The following PDSS2 variants were observed in gnomAD, a reference collection of about 807,000 sequenced individuals.
The protein encoded by PDSS2 is decaprenyl diphosphate synthase subunit 2.
Under a neutral mutation model 44.5 loss-of-function variants are expected in PDSS2, and 31 were observed. The ratio of observed to expected loss-of-function variants is 0.70; its 90% CI spans 0.52 to 0.94. The LOEUF is 0.94. Ranked by LOEUF, PDSS2 falls within the 40% of genes least tolerant of loss-of-function variation. The probability of loss-of-function intolerance (pLI) is 0.00; values close to 1 mark genes in which losing one functional copy is unlikely to be tolerated. For synonymous variants in PDSS2, 157 were observed against 180.3 expected, an observed-to-expected ratio of 0.87 and a Z score of 1.03; for missense variants, 452 against 482.2, an observed-to-expected ratio of 0.94 and a Z score of 0.59.
intron 2 of PDSS2, among the ~76,000 whole-genome samples, chr6:107,323,122 A>G (rs2115181412): frequency 6.6e-6 from 1 of 152,354 alleles, no homozygotes; most frequent in Middle Eastern, 3.4e-3. Flanking sequence ...CTTTAGTTAA[A>G]CAAAGGGTTT....
At chr6:107,168,575 T>C (rs1217771980) in intron 7 of PDSS2, among the ~76,000 whole-genome samples, 3 of 151,768 alleles carry the variant, frequency 2.0e-5, no homozygotes, top group Non-Finnish European at 4.4e-5. Flanking sequence ...CTAGCCTCGA[T>C]GGTCTTTACA....
chr6:107,418,502 T>C (rs928867792), intron 1 of PDSS2, among the ~76,000 whole-genome samples: 3 of 152,200 alleles, frequency 2.0e-5, no homozygotes, highest in Non-Finnish European at 4.4e-5. Flanking sequence ...TTGGGTGTGG[T>C]GGCTCACGCC....
chr6:107,226,216 G>A (rs1773814911), intron 4 of PDSS2, among the ~76,000 whole-genome samples: 1 of 152,194 alleles, frequency 6.6e-6, no homozygotes, highest in Non-Finnish European at 1.5e-5. Context: ...GGCTGAGGCA[G>A]GAGAATAGCG....
chr6:107,364,147 G>A (rs1460697606), intron 1 of PDSS2, among the ~76,000 whole-genome samples: 2 of 152,356 alleles, frequency 1.3e-5, no homozygotes, highest in African/African-American at 4.8e-5. Flanking sequence ...GACTCTCCAC[G>A]TCCCCACCAG....
intron 2 of PDSS2, among the ~76,000 whole-genome samples, chr6:107,282,123 CT>C (rs1440429031): frequency 6.6e-6 from 1 of 152,098 alleles, no homozygotes; most frequent in Non-Finnish European, 1.5e-5. Flanking sequence ...CCAGGCTGGT[CT>C]CGAACCGCTG....
intron 4 of PDSS2, among the ~76,000 whole-genome samples, chr6:107,236,998 G>A (rs1445901352): frequency 6.6e-6 from 1 of 151,656 alleles, no homozygotes; most frequent in Non-Finnish European, 1.5e-5. Context: ...AAGTATAGTG[G>A]CATATACTCA....
At chr6:107,193,087 T>A (rs181792232) in intron 7 of PDSS2, among the ~76,000 whole-genome samples, 92 of 152,356 alleles carry the variant, frequency 6.0e-4, no homozygotes, top group Non-Finnish European at 9.4e-4. Context: ...TGCTAAATGT[T>A]CCATTTGTCC....
chr6:107,250,082 C>A (rs1471326976), intron 3 of PDSS2, among the ~76,000 whole-genome samples: 1 of 151,830 alleles, frequency 6.6e-6, no homozygotes, highest in Non-Finnish European at 1.5e-5. Context: ...AATACCCTCA[C>A]AAAGGATATT....
At chr6:107,245,418 CAAAAAAAAAAAA>C (rs35614951) in intron 4 of PDSS2, 118 bp downstream of exon 4, 30 of 120,352 alleles carry the variant, frequency 2.5e-4, no homozygotes, top group African/African-American at 1.9e-3. Context: ...AAACACTAAT[CAAAAAAAAAAAA>C]AAAAAAAAAA....
chr6:107,416,923 T>C (rs1271553564), intron 1 of PDSS2, among the ~76,000 whole-genome samples: 2 of 151,678 alleles, frequency 1.3e-5, no homozygotes, highest in Non-Finnish European at 2.9e-5. Flanking sequence ...AATTTAAAAA[T>C]TGGATTTCAA....
At chr6:107,382,605 G>A (rs559305118) in intron 1 of PDSS2, among the ~76,000 whole-genome samples, 1 of 152,272 alleles carries the variant, frequency 6.6e-6, no homozygotes, top group Admixed American at 6.5e-5. Flanking sequence ...GGAAGACCAA[G>A]AACGGGAGGA....
chr6:107,374,366 T>C (rs557628325), intron 1 of PDSS2, among the ~76,000 whole-genome samples: 7 of 152,090 alleles, frequency 4.6e-5, no homozygotes, highest in African/African-American at 1.4e-4. Flanking sequence ...TACCCCCTCA[T>C]CCAAACCGAT....
At chr6:107,154,839 T>C in intron 7 of PDSS2, 62 bp from the exon 8 acceptor site, 1 of 1,419,196 alleles carries the variant, frequency 7.0e-7, no homozygotes, top group Non-Finnish European at 1.0e-6. Context: ...GCACCACAAT[T>C]AAATTGGGGA....
intron 7 of PDSS2, among the ~76,000 whole-genome samples, chr6:107,185,169 GAGA>G (rs1384571535): frequency 2.7e-5 from 4 of 148,810 alleles, no homozygotes; most frequent in African/African-American, 5.0e-5. Context: ...GAAGGAGAAG[GAGA>G]AGAAGAAGAG....
chr6:107,251,937 G>C (rs1182778685), intron 3 of PDSS2, among the ~76,000 whole-genome samples: 1 of 152,174 alleles, frequency 6.6e-6, no homozygotes, highest in Admixed American at 6.5e-5. Context: ...CCCTCCCATA[G>C]AGACCAATAA....
At chr6:107,176,528 A>G (rs1337475336) in intron 7 of PDSS2, among the ~76,000 whole-genome samples, 1 of 151,892 alleles carries the variant, frequency 6.6e-6, no homozygotes, top group South Asian at 2.1e-4. Context: ...ACTGTTTTCT[A>G]ATTTAAAACT....
intron 4 of PDSS2, among the ~76,000 whole-genome samples, chr6:107,240,332 T>C (rs72939816): frequency 0.049 from 7,404 of 151,798 alleles, 284 homozygotes; most frequent in Middle Eastern, 0.12. Flanking sequence ...GCCCAGGAGT[T>C]CAAGGTTTCA....
chr6:107,440,793 G>A (rs967446800), intron 1 of PDSS2, among the ~76,000 whole-genome samples: 5 of 152,158 alleles, frequency 3.3e-5, no homozygotes, highest in African/African-American at 9.7e-5. Context: ...AATGAGTACA[G>A]GTAGAATGTA....
chr6:107,374,797 G>C lies in PDSS2; in HGVS notation c.297-40465C>G, dbSNP rs1055194230. Among the ~76,000 whole-genome samples the C allele has an allele frequency of 2.0e-5, 3 of 152,036 alleles. No individual in the cohort carries two copies. In the South Asian group the frequency reaches 6.2e-4, roughly 32 times the overall value. On this transcript the variant is annotated intron_variant, in intron 1 of 7. Transcript: ENST00000369037. ...CCCTTTCATGTTTTTCTGTATCTCAGGTTCCTGAGGTGCTAACCTTCCTGC... is the reference window on the plus strand; with the variant it reads ...CCCTTTCATGTTTTTCTGTATCTCACGTTCCTGAGGTGCTAACCTTCCTGC...
Sources: gnomAD v4.1 joint callset for allele counts (sites outside exome capture counted in the v4.1 genomes callset) on GRCh38, gnomAD v4.1.1 for gene constraint, MANE v1.5 for transcripts, NCBI Gene and HGNC (gene_info 2026-07-23, HGNC 2026-07-21) for gene names.